The following MED12L variants were observed in gnomAD, a reference collection of about 807,000 sequenced individuals.
The protein encoded by MED12L is mediator of RNA polymerase II transcription subunit 12-like protein.
A neutral mutation model predicts 281.3 loss-of-function variants in MED12L; 60 were observed. That is an observed-to-expected ratio of 0.21 (90% CI 0.17 to 0.26). The LOEUF is 0.26. Ranked by LOEUF, MED12L falls within the 10% of genes least tolerant of loss-of-function variation. MED12L has a pLI of 1.00. For synonymous variants in MED12L, 974 were observed against 987.2 expected (o/e 0.99, Z 0.25); for missense variants, 2,146 against 2,680.9 (o/e 0.80, Z 4.41).
At chr3:151,300,031 A>G in intron 16 of MED12L, 2 of 1,436,454 alleles carry the variant, frequency 1.4e-6, no homozygotes, top group Non-Finnish European at 2.0e-6. Flanking sequence ...TCATCAATAA[A>G]GTAAGATTTT....
intron 2 of MED12L, among the ~76,000 whole-genome samples, chr3:151,091,007 C>T (rs1179890184): frequency 6.6e-6 from 1 of 152,186 alleles, no homozygotes; most frequent in Admixed American, 6.5e-5. Flanking sequence ...TGCCATTGCA[C>T]TCCAGCCTGG....
At chr3:151,380,597 CAAAA>C (rs56792030) in intron 32 of MED12L, among the ~76,000 whole-genome samples, 5 of 113,296 alleles carry the variant, frequency 4.4e-5, no homozygotes, top group African/African-American at 3.3e-5. Flanking sequence ...AACTCTGTCT[CAAAA>C]AAAAAAAAAA....
chr3:151,328,984 G>A (rs1750030212), intron 16 of MED12L: 2 of 1,603,652 alleles, frequency 1.2e-6, no homozygotes, highest in African/African-American at 2.7e-5. Flanking sequence ...GCATCACTGT[G>A]GTGTTCATTG....
In MED12L at chr3:151,387,818, G is replaced by A; in HGVS notation, c.5097G>A (p.Gln1699=). The change falls in exon 37 of 45, where the codon CAG becomes CAA. Residue 1699 remains glutamine (Q), a synonymous_variant. Transcript: ENST00000687756. ...FDSIDKKQGL[Q]VSTKQKVSPW... ...GCGCTATTTTCCCACAGGGTCTCCA[G>A]GTCTCTACGAAGCAGAAGGTGTCCC... The A allele has an allele frequency of 6.2e-7, 1 of 1,611,988 alleles. No homozygotes were observed. Among genetic ancestry groups the A allele is most frequent in the Non-Finnish European group, 8.5e-7 (1 of 1,178,722 alleles).
chr3:151,269,534 CAAA>C, intron 16 of MED12L: 2 of 295,928 alleles, frequency 6.8e-6, no homozygotes, highest in Non-Finnish European at 1.3e-5. Context: ...TGGAAGAGGT[CAAA>C]ATTGATTGCC....
chr3:151,346,190 G>T (rs567626089), intron 16 of MED12L, among the ~76,000 whole-genome samples: 3 of 151,956 alleles, frequency 2.0e-5, no homozygotes, highest in African/African-American at 4.8e-5. Context: ...TTTTTTTCCC[G>T]ATGGTCAAGT....
chr3:151,088,345 G>A (rs1418033456), intron 2 of MED12L, among the ~76,000 whole-genome samples: 1 of 151,970 alleles, frequency 6.6e-6, no homozygotes, highest in Admixed American at 6.6e-5. Context: ...TTTCCTACCC[G>A]TTACCCCACC....
rs1289981310 is a variant in MED12L, at chr3:151,317,299, A to G, written c.2251-32760A>G. ...GACATATTTTTACACATACACAATGATAAGTATTCAAAATATGTTAAATTA... is the reference window on the plus strand; with the variant it reads ...GACATATTTTTACACATACACAATGGTAAGTATTCAAAATATGTTAAATTA... On this transcript the variant is annotated intron_variant, in intron 16 of 44. Transcript: ENST00000687756. Among the ~76,000 whole-genome samples, 5 of 152,196 alleles carry G rather than the reference A, an allele frequency of 3.3e-5. No individual in the cohort carries two copies. The East Asian group carries it at 9.6e-4, about 29-fold the overall frequency.
At chr3:151,114,502 G>C (rs538168009) in intron 2 of MED12L, among the ~76,000 whole-genome samples, 1 of 152,294 alleles carries the variant, frequency 6.6e-6, no homozygotes, top group South Asian at 2.1e-4. Context: ...ATTAATCATA[G>C]CGGTGATTTT....
chr3:151,191,831 G>A (rs1272074627), intron 14 of MED12L, among the ~76,000 whole-genome samples: 4 of 152,046 alleles, frequency 2.6e-5, no homozygotes, highest in East Asian at 1.9e-4. Flanking sequence ...GCTTGAACCC[G>A]GGAGGTGGAG....
chr3:151,228,656 A>G (rs1201353643), intron 16 of MED12L, among the ~76,000 whole-genome samples: 1 of 152,088 alleles, frequency 6.6e-6, no homozygotes, highest in Non-Finnish European at 1.5e-5. Context: ...GCACTCAACA[A>G]CAGAGTGTAT....
At chr3:151,410,343 A>G (rs1031501813) in intron 40 of MED12L, among the ~76,000 whole-genome samples, 4 of 152,330 alleles carry the variant, frequency 2.6e-5, no homozygotes, top group Non-Finnish European at 5.9e-5. Context: ...TGACAATTCA[A>G]TCTATGTCCA....
rs752395926 is a variant in MED12L at position 151,201,694 on chromosome 3, C to T, written c.2250+8028C>T. ...ATCTGAAAGCTACTCCAGGCTTTAC[C>T]GATGTCCTTGGCGACCATGAATTTG... On this transcript the variant is annotated intron_variant, in intron 16 of 44. Coordinates refer to ENST00000687756, the MANE Select transcript of MED12L (RefSeq NM_001393769.1). 4.6e-5 allele frequency among the ~76,000 whole-genome samples: 7 copies of T among 152,154 alleles called. No individual in the cohort carries two copies. In the East Asian group the frequency reaches 9.6e-4, roughly 21 times the overall value.
In MED12L at chr3:151,432,776, C is replaced by G; in HGVS notation, c.6515C>G (p.Thr2172Ser). The G allele has an allele frequency of 6.2e-7, 1 of 1,613,286 alleles. No individual in the cohort carries two copies. Among genetic ancestry groups the G allele is most frequent in the Non-Finnish European group, 8.5e-7 (1 of 1,179,560 alleles). Reference sequence around the variant, plus strand: ...GGCAACCAGCCACAGCAAGGAGTGACTCCGTATGGGCATCCTTCACACTTC... The same window carrying G: ...GGCAACCAGCCACAGCAAGGAGTGAGTCCGTATGGGCATCCTTCACACTTC... ...LSSNQPQQGV[T>S]PYGHPSHF The change falls in exon 45 of 45, where the codon ACT becomes AGT. Residue 2172 changes from threonine to serine, a missense_variant. By Grantham distance (58) the Thr-to-Ser change is moderately conservative. This residue lies in a region of MED12L where 25 missense variants were observed against 24.9 expected (regional missense o/e 1.00). Transcript: ENST00000687756.
Position 151,303,632 on chromosome 3 carries a change from G to A in MED12L, c.2251-46427G>A, listed in dbSNP as rs1021565195. On this transcript the variant is annotated intron_variant, in intron 16 of 44. Transcript: ENST00000687756. ...ACAACAATTAGCCAGATGATGTTGCGTGCACCTGTAATCCCAGCTACTGGG... is the reference window on the plus strand; with the variant it reads ...ACAACAATTAGCCAGATGATGTTGCATGCACCTGTAATCCCAGCTACTGGG... Among the ~76,000 whole-genome samples, 11 of 152,086 alleles carry A rather than the reference G, an allele frequency of 7.2e-5. 1 individual carries two copies. Among genetic ancestry groups the A allele is most frequent in the South Asian group, 4.1e-4 (2 of 4,824 alleles).
At chr3:151,402,397 G>A (rs1329838206) in intron 39 of MED12L, among the ~76,000 whole-genome samples, 1 of 152,156 alleles carries the variant, frequency 6.6e-6, no homozygotes, top group Non-Finnish European at 1.5e-5. Flanking sequence ...ATAAATATTT[G>A]CTGTCTACTG....
At chr3:151,208,215 AAGAAAGTGAATTTGATG>A (rs1439147314) in intron 16 of MED12L, among the ~76,000 whole-genome samples, 1 of 152,220 alleles carries the variant, frequency 6.6e-6, no homozygotes, top group Admixed American at 6.5e-5. Context: ...TTTTCTTAAC[AAGAAAGTGAATTTGATG>A]TGGAGTTGAA....
chr3:151,421,594 A>T (rs953540540), intron 43 of MED12L, among the ~76,000 whole-genome samples: 17 of 152,092 alleles, frequency 1.1e-4, no homozygotes, highest in African/African-American at 4.1e-4. Flanking sequence ...TATTTTTAGT[A>T]GAGATGGGGT....
At chr3:151,163,503 A>G (rs1720268862) in intron 8 of MED12L, among the ~76,000 whole-genome samples, 1 of 150,972 alleles carries the variant, frequency 6.6e-6, no homozygotes, top group African/African-American at 2.4e-5. Flanking sequence ...GTTTTTAAAT[A>G]CTTCTTTTTT....
Sources: gnomAD v4.1 joint callset for allele counts (sites outside exome capture counted in the v4.1 genomes callset) on GRCh38, gnomAD v4.1.1 for gene constraint, gnomAD v4.1.1 regional missense constraint, MANE v1.5 for transcripts, NCBI Gene and HGNC (gene_info 2026-07-23, HGNC 2026-07-21) for gene names.